The following OPCML variants were observed in gnomAD, a reference collection of about 807,000 sequenced individuals.
OPCML encodes the protein opioid-binding protein/cell adhesion molecule.
A neutral mutation model predicts 37.8 loss-of-function variants in OPCML; 13 were observed. The ratio of observed to expected loss-of-function variants is 0.34; its 90% CI spans 0.22 to 0.55. OPCML has a LOEUF of 0.55. OPCML is among the 20% of genes least tolerant of loss of function. The pLI is 0.91. For missense variants in OPCML, 341 were observed against 435.6 expected, an observed-to-expected ratio of 0.78 and a Z score of 1.93; for synonymous variants, 176 against 168.8, an observed-to-expected ratio of 1.04 and a Z score of -0.33.
intron 1 of OPCML, among the ~76,000 whole-genome samples, chr11:133,448,312 C>T (rs1464437841): frequency 6.6e-6 from 1 of 152,150 alleles, no homozygotes; most frequent in Non-Finnish European, 1.5e-5. Flanking sequence ...CATTAAATTG[C>T]CTTGGTACCT....
At chr11:133,240,341 C>T (rs1940682211) in intron 1 of OPCML, among the ~76,000 whole-genome samples, 1 of 152,100 alleles carries the variant, frequency 6.6e-6, no homozygotes, top group Non-Finnish European at 1.5e-5. Flanking sequence ...TTCTGTCCAC[C>T]AAGGCTAAGC....
intron 1 of OPCML, among the ~76,000 whole-genome samples, chr11:133,147,673 G>A (rs541991161): frequency 2.8e-4 from 43 of 152,088 alleles, no homozygotes; most frequent in Admixed American, 2.2e-3. Context: ...GATGTAACCC[G>A]CCCTGCTCCC....
At chr11:132,824,439 T>G (rs1027923098) in intron 2 of OPCML, among the ~76,000 whole-genome samples, 1 of 152,222 alleles carries the variant, frequency 6.6e-6, no homozygotes, top group African/African-American at 2.4e-5. Context: ...GCTTGGACAC[T>G]GTAACGGTAC....
chr11:132,736,272 T>C (rs1356771469), intron 2 of OPCML, among the ~76,000 whole-genome samples: 4 of 152,196 alleles, frequency 2.6e-5, no homozygotes, highest in Non-Finnish European at 4.4e-5. Context: ...CTCAAGGCTA[T>C]ATGGAAGGAA....
At chr11:132,864,126 C>T (rs774928746) in intron 2 of OPCML, among the ~76,000 whole-genome samples, 11 of 151,856 alleles carry the variant, frequency 7.2e-5, no homozygotes, top group African/African-American at 1.9e-4. Flanking sequence ...TTAGTAGAGA[C>T]GGGGTTTCAC....
chr11:132,806,692 A>G (rs1939030745), intron 2 of OPCML, among the ~76,000 whole-genome samples: 1 of 152,176 alleles, frequency 6.6e-6, no homozygotes, highest in African/African-American at 2.4e-5. Context: ...AGTAATTGCT[A>G]GAAATGTAGG....
chr11:133,120,851 G>C (rs1425838068), intron 1 of OPCML, among the ~76,000 whole-genome samples: 7 of 152,178 alleles, frequency 4.6e-5, no homozygotes, highest in Non-Finnish European at 7.3e-5. Context: ...TGGCCAGGAA[G>C]ATACTGAACA....
chr11:132,950,996 C>T (rs1247183875), intron 1 of OPCML, among the ~76,000 whole-genome samples: 1 of 152,180 alleles, frequency 6.6e-6, no homozygotes, highest in African/African-American at 2.4e-5. Flanking sequence ...CTGTGATCAC[C>T]TGCTGTGATC....
chr11:132,424,249 A>G (rs1484265209), intron 7 of OPCML, among the ~76,000 whole-genome samples: 1 of 151,732 alleles, frequency 6.6e-6, no homozygotes, highest in Non-Finnish European at 1.5e-5. Flanking sequence ...CCTCCCAAGT[A>G]GCTGGGACTA....
intron 2 of OPCML, among the ~76,000 whole-genome samples, chr11:132,704,036 T>G (rs1470786711): frequency 1.3e-5 from 2 of 152,168 alleles, no homozygotes; most frequent in African/African-American, 4.8e-5. Flanking sequence ...TTTTGTTTGG[T>G]TGGTTTTTTT....
At chr11:133,008,749 G>A (rs987227965) in intron 1 of OPCML, 1 of 334,546 alleles carries the variant, frequency 3.0e-6, no homozygotes, top group African/African-American at 2.2e-5. Context: ...CTGCAACAAT[G>A]TCCACTATTC....
intron 1 of OPCML, among the ~76,000 whole-genome samples, chr11:133,231,887 G>A (rs1379852833): frequency 1.3e-5 from 2 of 152,024 alleles, no homozygotes; most frequent in Non-Finnish European, 2.9e-5. Context: ...AAGCAGGCAG[G>A]GAGTGGGGAA....
chr11:133,368,904 C>T (rs1046981466), intron 1 of OPCML, among the ~76,000 whole-genome samples: 1 of 152,182 alleles, frequency 6.6e-6, no homozygotes, highest in African/African-American at 2.4e-5. Flanking sequence ...ATATTTGATT[C>T]CTCACTTGAC....
intron 1 of OPCML, among the ~76,000 whole-genome samples, chr11:133,408,449 C>T (rs972162847): frequency 1.8e-4 from 28 of 152,216 alleles, no homozygotes; most frequent in African/African-American, 6.5e-4. Flanking sequence ...GGTTTATTGT[C>T]ATGCATTTGG....
At chr11:132,487,567 T>C (rs150037055) in intron 4 of OPCML, among the ~76,000 whole-genome samples, 9 of 152,336 alleles carry the variant, frequency 5.9e-5, no homozygotes, top group African/African-American at 2.2e-4. Context: ...TTCTTGCTTT[T>C]CTCGTGATGC....
At chr11:133,081,290 G>A (rs1948713103) in intron 1 of OPCML, among the ~76,000 whole-genome samples, 1 of 152,018 alleles carries the variant, frequency 6.6e-6, no homozygotes, top group Non-Finnish European at 1.5e-5. Context: ...AGCCCCGTTG[G>A]TACCACCTAG....
At chr11:132,763,835 T>A (rs1227464908) in intron 2 of OPCML, among the ~76,000 whole-genome samples, 3 of 152,232 alleles carry the variant, frequency 2.0e-5, no homozygotes, top group Non-Finnish European at 4.4e-5. Context: ...TGGCTCCTGC[T>A]GAGCCATGCC....
At chr11:133,384,247 C>CAAAAAAAAAAAAAAAAAAAAAA (rs1186998875) in intron 1 of OPCML, among the ~76,000 whole-genome samples, 3 of 71,236 alleles carry the variant, frequency 4.2e-5, no homozygotes, top group Admixed American at 1.5e-4. Flanking sequence ...GGCCACTGTG[C>CAAAAAAAAAAAAAAAAAAAAAA]AAAAAAAAAA....
intron 4 of OPCML, among the ~76,000 whole-genome samples, chr11:132,521,085 A>G (rs2096292149): frequency 1.3e-5 from 2 of 152,150 alleles, no homozygotes; most frequent in Admixed American, 1.3e-4. Flanking sequence ...GACTGGCATG[A>G]GATGGTATCT....
Sources: allele counts gnomAD v4.1 joint callset (sites outside exome capture counted in the v4.1 genomes callset), GRCh38; gene constraint gnomAD v4.1.1; transcripts MANE v1.5; gene names NCBI Gene and HGNC (gene_info 2026-07-23, HGNC 2026-07-21).